Variants in ZMAT3 observed in about 807,000 individuals in gnomAD.
ZMAT3 encodes the protein zinc finger matrin-type protein 3.
In ZMAT3, 17 loss-of-function variants were observed where a neutral mutation model predicts 32.3. The ratio of observed to expected loss-of-function variants is 0.53; its 90% confidence interval spans 0.36 to 0.79. The LOEUF is 0.79. ZMAT3 is among the 30% of genes least tolerant of loss of function. The pLI is 0.00. For synonymous variants in ZMAT3, 120 were observed against 133.1 expected (o/e 0.90, Z 0.68); for missense variants, 329 against 359.7 (o/e 0.91, Z 0.69).
Position 179,068,473 on chromosome 3 carries a change from T to C in ZMAT3, c.-57-664A>G, listed in dbSNP as rs201469029. 2.3e-4 allele frequency among the ~76,000 whole-genome samples: 35 copies of C among 151,882 alleles called. No homozygotes were observed. In the East Asian group the frequency reaches 5.6e-3, roughly 24 times the overall value. On this transcript the variant is annotated intron_variant, in intron 1 of 5. Transcript: ENST00000311417. ...GTGGTCGTGAGCCGAGATCGTGCCA[T>C]TGCACTCCAGCCTGGGTGACAGAGC...
chr3:179,041,558 G>A (rs1000912408), intron 2 of ZMAT3, among the ~76,000 whole-genome samples: 10 of 152,326 alleles, frequency 6.6e-5, no homozygotes, highest in African/African-American at 2.4e-4. Flanking sequence ...CAACGTACCA[G>A]AGTCTCTGGG....
At chr3:179,036,394 G>A (rs561882289) in intron 2 of ZMAT3, among the ~76,000 whole-genome samples, 10 of 152,172 alleles carry the variant, frequency 6.6e-5, no homozygotes, top group Non-Finnish European at 1.3e-4. Context: ...GGAATGATCT[G>A]AATGTGGATG....
At position 179,019,970 on chromosome 3, in the gene ZMAT3, A is replaced by C. The variant is rs1196920107; in HGVS notation, c.*5047T>G. The C allele has an allele frequency of 6.6e-6, 1 of 152,158 alleles. No individual in the cohort carries two copies. The highest frequency in any genetic ancestry group is 2.4e-5 in the African/African-American group (1 of 41,448). The allele number at this position is 152,158 out of a possible 1,614,324, so 9.4% of individuals were successfully genotyped here. A position where few individuals can be genotyped will look rare whatever the true frequency, so the allele number is the denominator to read the frequency against. On this transcript the variant is annotated 3_prime_UTR_variant, in exon 6 of 6. Coordinates refer to ENST00000311417, the MANE Select transcript of ZMAT3 (RefSeq NM_022470.4). ...AGATCAAGGTGAAAAATGATCTCTG[A>C]CTTCTGCCAGCTTGGGAAAACTGGA...
intron 2 of ZMAT3, among the ~76,000 whole-genome samples, chr3:179,034,168 T>C (rs1329786767): frequency 6.6e-6 from 1 of 152,230 alleles, no homozygotes; most frequent in Non-Finnish European, 1.5e-5. Context: ...TCACCATCTA[T>C]TTATATGCTA....
At chr3:179,058,474 G>A (rs1045965542) in intron 2 of ZMAT3, among the ~76,000 whole-genome samples, 4 of 151,990 alleles carry the variant, frequency 2.6e-5, no homozygotes, top group Admixed American at 6.5e-5. Flanking sequence ...AAAGGACTTC[G>A]GGACGGGCGC....
intron 2 of ZMAT3, among the ~76,000 whole-genome samples, chr3:179,066,522 C>T (rs1186054567): frequency 2.6e-5 from 4 of 152,160 alleles, no homozygotes; most frequent in Non-Finnish European, 5.9e-5. Flanking sequence ...AGTTATAGTG[C>T]ACAACAGAAG....
intron 2 of ZMAT3, among the ~76,000 whole-genome samples, chr3:179,035,123 T>G (rs1719510920): frequency 6.6e-6 from 1 of 151,442 alleles, no homozygotes; most frequent in South Asian, 2.1e-4. Context: ...TACTTAAAAT[T>G]GACAAATCTT....
At chr3:179,035,468 C>T (rs564000086) in intron 2 of ZMAT3, among the ~76,000 whole-genome samples, 9 of 152,322 alleles carry the variant, frequency 5.9e-5, no homozygotes, top group Admixed American at 5.9e-4. Context: ...TCAACTCAAA[C>T]TGGACCTCAC....
At chr3:179,070,925 TAC>T (rs1388719991) in intron 1 of ZMAT3, among the ~76,000 whole-genome samples, 27 of 152,106 alleles carry the variant, frequency 1.8e-4, no homozygotes, top group Non-Finnish European at 3.7e-4. Context: ...TGGAGAAATC[TAC>T]AGAGGAAAGA....
At chr3:179,050,096 A>G (rs953917058) in intron 2 of ZMAT3, among the ~76,000 whole-genome samples, 1 of 151,454 alleles carries the variant, frequency 6.6e-6, no homozygotes, top group African/African-American at 2.4e-5. Context: ...TCCAAACCCA[A>G]ACCCAGCAGA....
chr3:179,065,720 A>G (rs1721377255), intron 2 of ZMAT3, among the ~76,000 whole-genome samples: 1 of 152,136 alleles, frequency 6.6e-6, no homozygotes, highest in South Asian at 2.1e-4. Flanking sequence ...AATCTAGCCA[A>G]CATGGCAAAC....
chr3:179,055,711 G>A (rs912352849), intron 2 of ZMAT3, among the ~76,000 whole-genome samples: 8 of 152,092 alleles, frequency 5.3e-5, no homozygotes, highest in African/African-American at 1.7e-4. Flanking sequence ...TAACCCTGAC[G>A]GCTATATTGA....
At chr3:179,058,450 G>A (rs1720967646) in intron 2 of ZMAT3, among the ~76,000 whole-genome samples, 1 of 152,164 alleles carries the variant, frequency 6.6e-6, no homozygotes. Context: ...ACTGATGGAA[G>A]TTCCTTTGTA....
intron 3 of ZMAT3, among the ~76,000 whole-genome samples, chr3:179,029,734 G>A (rs1032033500): frequency 6.6e-6 from 1 of 151,966 alleles, no homozygotes; most frequent in East Asian, 1.9e-4. Context: ...TGCAGCCTGG[G>A]GCAAAAGGAA....
At chr3:179,068,469 G>A (rs898187581) in intron 1 of ZMAT3, among the ~76,000 whole-genome samples, 1 of 151,762 alleles carries the variant, frequency 6.6e-6, no homozygotes, top group African/African-American at 2.4e-5. Flanking sequence ...CCGAGATCGT[G>A]CCATTGCACT....
intron 2 of ZMAT3, among the ~76,000 whole-genome samples, chr3:179,064,282 G>A (rs1721292707): frequency 6.6e-6 from 1 of 152,126 alleles, no homozygotes; most frequent in African/African-American, 2.4e-5. Context: ...GGTACAGCTT[G>A]GTAATGCTCT....
rs1190186556 is a variant in ZMAT3, at chr3:179,020,419, G to GGGTT, written c.*4594_*4597dup. 1 of 152,124 alleles carries GGGTT rather than the reference G, an allele frequency of 6.6e-6. No individual in the cohort carries two copies. The highest frequency in any genetic ancestry group is 1.5e-5 in the Non-Finnish European group (1 of 68,008). The allele number at this position is 152,124 out of a possible 1,614,324, so 9.4% of individuals were successfully genotyped here. The stretch of plus-strand genomic sequence containing the variant: ...TGACAGTAACTGCTCACAATGGTAG[G>GGGTT]GGTTCTCCCCTGCCAAGAAAGCAAA... On this transcript the variant is annotated 3_prime_UTR_variant, in exon 6 of 6. Coordinates refer to ENST00000311417, the MANE Select transcript of ZMAT3 (RefSeq NM_022470.4).
rs2108533068 is a variant in ZMAT3 at position 179,025,197 on chromosome 3, C to T, written c.690G>A (p.Gln230=). The change falls in exon 6 of 6, where the codon CAG becomes CAA. Residue 230 remains glutamine, a synonymous_variant. Coordinates refer to ENST00000311417, the MANE Select transcript of ZMAT3 (RefSeq NM_022470.4). ...AGPYFNPRSR[Q]RIPRDLAMCV... Reference sequence around the variant, plus strand: ...ACATGGCCAGATCACGTGGAATTCTCTGCCGAGAGCGGGGATTGAAGTAAG... The same window carrying T: ...ACATGGCCAGATCACGTGGAATTCTTTGCCGAGAGCGGGGATTGAAGTAAG... 4 of 1,614,116 alleles carry T rather than the reference C, an allele frequency of 2.5e-6. No individual in the cohort carries two copies. In the East Asian group the frequency reaches 8.9e-5, roughly 36 times the overall value.
rs377585101 is a variant in ZMAT3 at position 179,067,495 on chromosome 3, C to G, written c.258G>C (p.Gln86His). The G allele has an allele frequency of 8.1e-6, 13 of 1,614,104 alleles. No individual in the cohort carries two copies. The South Asian group carries it at 1.4e-4, about 18-fold the overall frequency. ...TTTCTCCCTTTACCTGATAATGAGC[C>G]TGGGCTTGCTGTGCAGAGTTCAAGG... ...NVTLNSAQQA[Q>H]AHYQGKNHGK... The change falls in exon 2 of 6, where the codon CAG becomes CAC. Residue 86 changes from glutamine to histidine, a missense_variant. Coordinates refer to ENST00000311417, the MANE Select transcript of ZMAT3 (RefSeq NM_022470.4).
Sources: gnomAD v4.1 joint callset for allele counts (sites outside exome capture counted in the v4.1 genomes callset) on GRCh38, gnomAD v4.1.1 for gene constraint, MANE v1.5 for transcripts, NCBI Gene and HGNC (gene_info 2026-07-23, HGNC 2026-07-21) for gene names.